RGS7: variants seen among roughly 807,000 people sequenced by gnomAD.
RGS7 encodes the protein regulator of G-protein signaling 7.
A neutral mutation model predicts 81.1 loss-of-function variants in RGS7; 27 were observed. That is an observed-to-expected ratio of 0.33 (90% CI 0.25 to 0.46). RGS7 has a LOEUF of 0.46. RGS7 is among the 20% of genes least tolerant of loss of function. The pLI, the probability that RGS7 is intolerant of heterozygous loss-of-function variation, is 1.00. For missense variants in RGS7, 396 were observed against 607.4 expected (o/e 0.65, Z 3.66); for synonymous variants, 208 against 207.7 (o/e 1.00, Z -0.01).
intron 6 of RGS7, among the ~76,000 whole-genome samples, chr1:240,924,899 A>G (rs994661623): frequency 6.6e-6 from 1 of 152,198 alleles, no homozygotes; most frequent in Non-Finnish European, 1.5e-5. Flanking sequence ...TTAGTGCAGT[A>G]TTTGAAAAAA....
intron 4 of RGS7, among the ~76,000 whole-genome samples, chr1:240,975,027 T>G (rs1273566492): frequency 6.6e-6 from 1 of 152,058 alleles, no homozygotes; most frequent in East Asian, 1.9e-4. Context: ...CCAGGATTCC[T>G]CTCAAGGAAT....
chr1:241,221,006 A>G (rs866449807), intron 2 of RGS7, among the ~76,000 whole-genome samples: 10,845 of 83,438 alleles, frequency 0.13, 982 homozygotes, highest in Non-Finnish European at 0.17. Flanking sequence ...AGAGAGAGAG[A>G]AAGGAAGGAA....
In RGS7 at chr1:241,147,787, T is replaced by C. The variant is rs1290043378; in HGVS notation, c.79-49025A>G. On this transcript the variant is annotated intron_variant, in intron 2 of 18. Transcript: ENST00000440928. ...TCCCATCTAGATTAAGTTTTATATA[T>C]ATATATATATATATATATATATATA... 7.0e-4 allele frequency among the ~76,000 whole-genome samples: 75 copies of C among 106,632 alleles called. 2 individuals carry two copies. Among genetic ancestry groups the C allele is most frequent in the South Asian group, 4.4e-3 (15 of 3,404 alleles). 70.0% of individuals were successfully genotyped at this position (106,632 alleles called of 152,430 possible).
chr1:241,293,676 T>C (rs1192312030), intron 2 of RGS7, among the ~76,000 whole-genome samples: 4 of 152,074 alleles, frequency 2.6e-5, no homozygotes, highest in Non-Finnish European at 5.9e-5. Flanking sequence ...GTCAAAAAGT[T>C]AAGAAATTTA....
intron 18 of RGS7, among the ~76,000 whole-genome samples, chr1:240,786,719 A>AT: frequency 6.6e-6 from 1 of 152,256 alleles, no homozygotes; most frequent in Non-Finnish European, 1.5e-5. Flanking sequence ...AAAAATTAAT[A>AT]TTTTTTAAAA....
rs1355529548 is a variant in RGS7 at position 240,868,790 on chromosome 1, T to C, written c.513A>G (p.Ala171=). 2 of 1,613,892 alleles carry C rather than the reference T, an allele frequency of 1.2e-6. No individual in the cohort carries two copies. The highest frequency in any genetic ancestry group is 1.7e-6 in the Non-Finnish European group (2 of 1,180,004). The part of the protein sequence containing the change: ...ARKWEFIFMQ[A]EAQAKVDKKR... Reference sequence around the variant, plus strand: ...CAAGGACTCACTTTGCTTGTGCTTCTGCTTGCATGAAAATGAACTCCCACT... The same window carrying C: ...CAAGGACTCACTTTGCTTGTGCTTCCGCTTGCATGAAAATGAACTCCCACT... The change falls in exon 8 of 19, where the codon GCA becomes GCG. Residue 171 remains alanine, a synonymous_variant. Transcript: ENST00000440928. This position sits in a 1 kb window ranked among gnomAD's most constrained non-coding sequence, Gnocchi z 5.1.
At position 241,292,131 on chromosome 1, in the gene RGS7, G is replaced by A. The variant is rs1457634339; in HGVS notation, c.78+63568C>T. Among the ~76,000 whole-genome samples, 5 of 152,108 alleles carry A rather than the reference G, an allele frequency of 3.3e-5. No homozygotes were observed. The South Asian group carries it at 6.2e-4, about 19-fold the overall frequency. ...AGGCGGTAATATGCATGGAGCTGTC[G>A]TCTCCTGTGACAACAATACCTTCTT... On this transcript the variant is annotated intron_variant, in intron 2 of 18. Transcript: ENST00000440928.
intron 18 of RGS7, among the ~76,000 whole-genome samples, chr1:240,783,122 A>G (rs546400759): frequency 1.3e-5 from 2 of 152,350 alleles, no homozygotes; most frequent in African/African-American, 4.8e-5. Flanking sequence ...CTATAATACA[A>G]TAATTACATA....
intron 2 of RGS7, among the ~76,000 whole-genome samples, chr1:241,320,201 A>G (rs575838638): frequency 6.6e-6 from 1 of 152,272 alleles, no homozygotes; most frequent in South Asian, 2.1e-4. Flanking sequence ...GCTAATTCCA[A>G]CTCTGTGCCC....
intron 3 of RGS7, among the ~76,000 whole-genome samples, chr1:241,054,683 G>C (rs991210227): frequency 6.6e-6 from 1 of 152,182 alleles, no homozygotes; most frequent in African/African-American, 2.4e-5. Context: ...TATTAAGAGT[G>C]CCAATATTCA....
chr1:241,097,553 GC>G (rs1228773984), intron 3 of RGS7, among the ~76,000 whole-genome samples: 2 of 152,218 alleles, frequency 1.3e-5, no homozygotes, highest in East Asian at 3.9e-4. Flanking sequence ...TGAGGAAGCA[GC>G]CTGCAACCCC....
chr1:240,861,280 C>T (rs1204978064), intron 9 of RGS7, among the ~76,000 whole-genome samples: 1 of 152,136 alleles, frequency 6.6e-6, no homozygotes, highest in Admixed American at 6.5e-5. Flanking sequence ...TGATGAAGTA[C>T]ATTTCCATTT....
intron 3 of RGS7, among the ~76,000 whole-genome samples, chr1:241,049,173 T>C (rs747905890): frequency 6.6e-6 from 1 of 151,966 alleles, no homozygotes; most frequent in Non-Finnish European, 1.5e-5. Flanking sequence ...TTAACATATC[T>C]TTTTTGGGGA....
intron 3 of RGS7, among the ~76,000 whole-genome samples, chr1:241,023,837 C>T (rs1057312746): frequency 1.3e-5 from 2 of 152,210 alleles, no homozygotes; most frequent in Middle Eastern, 3.2e-3. Flanking sequence ...CCTCAGCCTC[C>T]TGGGTTCAAG....
chr1:240,939,923 TA>T (rs1431497750), intron 4 of RGS7, among the ~76,000 whole-genome samples: 1 of 151,640 alleles, frequency 6.6e-6, no homozygotes, highest in South Asian at 2.1e-4. Context: ...AAATAAAAAA[TA>T]AAAAACTTAG....
chr1:241,283,856 A>G (rs776593674), intron 2 of RGS7, among the ~76,000 whole-genome samples: 4 of 152,122 alleles, frequency 2.6e-5, no homozygotes, highest in Non-Finnish European at 4.4e-5. Flanking sequence ...CTATTGTTCT[A>G]TCTTCCAGTT....
intron 2 of RGS7, among the ~76,000 whole-genome samples, chr1:241,136,943 A>C (rs1166512033): frequency 6.6e-6 from 1 of 152,188 alleles, no homozygotes; most frequent in Non-Finnish European, 1.5e-5. Context: ...GGTGGCTTGC[A>C]TCATCATTGG....
At chr1:240,933,134 G>A (rs893664870) in intron 5 of RGS7, among the ~76,000 whole-genome samples, 19 of 150,814 alleles carry the variant, frequency 1.3e-4, no homozygotes, top group South Asian at 4.2e-4. Context: ...TGCCCCCCTC[G>A]GCCCCACAAA....
intron 3 of RGS7, among the ~76,000 whole-genome samples, chr1:241,029,657 C>T (rs61832514): frequency 0.024 from 3,660 of 152,298 alleles, 59 homozygotes; most frequent in Non-Finnish European, 0.037. Flanking sequence ...CATCAGCTTT[C>T]TCAGCATGCC....
Sources: allele counts gnomAD v4.1 joint callset (sites outside exome capture counted in the v4.1 genomes callset), GRCh38; gene constraint gnomAD v4.1.1; non-coding constraint Gnocchi (gnomAD v3.1); transcripts MANE v1.5; gene names NCBI Gene and HGNC (gene_info 2026-07-23, HGNC 2026-07-21).